Variants in EPS8 observed in about 807,000 individuals in gnomAD.
EPS8 encodes EGFR pathway substrate 8, signaling adaptor.
Under a neutral mutation model 103.8 loss-of-function variants are expected in EPS8, and 42 were observed. The observed-to-expected ratio is 0.40, with a 90% CI of 0.32 to 0.52. The LOEUF (loss-of-function observed/expected upper bound fraction) is 0.52, where lower values mean the gene tolerates loss of function less well. EPS8 is among the 20% of genes least tolerant of loss of function. The pLI, the probability that EPS8 is intolerant of heterozygous loss-of-function variation, is 0.40. For synonymous variants in EPS8, 344 were observed against 344.6 expected, an observed-to-expected ratio of 1.00 and a Z score of 0.02; for missense variants, 969 against 1,005.1, an observed-to-expected ratio of 0.96 and a Z score of 0.49.
chr12:15,684,190 A>G lies in EPS8; in HGVS notation c.-21-1218T>C, dbSNP rs1946056773. The G allele has an allele frequency of 6.6e-6, 1 of 152,202 alleles. No homozygotes were observed. The highest frequency in any genetic ancestry group is 2.1e-4 in the South Asian group (1 of 4,830). 9.4% of individuals were successfully genotyped at this position (152,202 alleles called of 1,614,324 possible). ...TAACTCTGATTGGAAGAGCACAGAA[A>G]GCCTACATAAAGAAATAATATTCAA... On this transcript the variant is annotated intron_variant, in intron 1 of 20. Transcript: ENST00000281172. This position sits in a 1 kb window ranked among gnomAD's most constrained non-coding sequence, Gnocchi z 4.9.
At chr12:15,658,290 G>A (rs1052597610) in intron 11 of EPS8, 137 bp from the exon 12 acceptor site, 15 of 678,210 alleles carry the variant, frequency 2.2e-5, no homozygotes, top group Non-Finnish European at 3.5e-5. Flanking sequence ...GATAGAGTGA[G>A]AATAGAAGTC....
chr12:15,658,322 T>C (rs545924037), intron 11 of EPS8, among the ~76,000 whole-genome samples, 169 bp from the exon 12 acceptor site: 2 of 152,300 alleles, frequency 1.3e-5, no homozygotes, highest in African/African-American at 4.8e-5. Flanking sequence ...ATCAAGTCTC[T>C]TAGATATATA....
At position 15,748,301 on chromosome 12, in the gene EPS8, A is replaced by G. The variant is rs1411000705; in HGVS notation, c.-22+40860T>C. Among the ~76,000 whole-genome samples the G allele has an allele frequency of 1.3e-5, 2 of 152,264 alleles. No homozygotes were observed. Among genetic ancestry groups the G allele is most frequent in the African/African-American group, 4.8e-5 (2 of 41,460 alleles). The stretch of plus-strand genomic sequence containing the variant: ...ACAAATATCAATTAAAATATTATGA[A>G]GTAATATTCTTAAGTCAAATGCTCA... On this transcript the variant is annotated intron_variant, in intron 1 of 20. Coordinates refer to ENST00000281172, the MANE Select transcript of EPS8 (RefSeq NM_004447.6). This position sits in a 1 kb window ranked among gnomAD's most constrained non-coding sequence, Gnocchi z 4.8.
chr12:15,705,346 C>T (rs1203213912), intron 1 of EPS8, among the ~76,000 whole-genome samples: 1 of 152,112 alleles, frequency 6.6e-6, no homozygotes, highest in African/African-American at 2.4e-5. Context: ...GTTTCATGAA[C>T]ACATGTGAAA....
rs529464032 is a variant in EPS8, at chr12:15,721,951, G to GT, written c.-21-38980dup. Among the ~76,000 whole-genome samples the GT allele has an allele frequency of 1.8e-4, 27 of 149,144 alleles. No homozygotes were observed. Among genetic ancestry groups the GT allele is most frequent in the South Asian group, 2.1e-4 (1 of 4,736 alleles). ...CTTTCACATTTTATAAATTTTTCTAGTTTTTTTTTAATGCATACATACTTT... is the reference window on the plus strand; with the variant it reads ...CTTTCACATTTTATAAATTTTTCTAGTTTTTTTTTTAATGCATACATACTTT... On this transcript the variant is annotated intron_variant, in intron 1 of 20. Coordinates refer to ENST00000281172, the MANE Select transcript of EPS8 (RefSeq NM_004447.6). This position sits in a 1 kb window ranked among gnomAD's most constrained non-coding sequence, Gnocchi z 4.4.
At chr12:15,623,924 A>G (rs1944901366) in intron 19 of EPS8, among the ~76,000 whole-genome samples, 1 of 152,334 alleles carries the variant, frequency 6.6e-6, no homozygotes, top group South Asian at 2.1e-4. Flanking sequence ...CCTAGGTTAC[A>G]TCACAGTAAT....
At chr12:15,662,995 C>T (rs1359448084) in intron 8 of EPS8, among the ~76,000 whole-genome samples, 2 of 49,346 alleles carry the variant, frequency 4.1e-5, no homozygotes, top group African/African-American at 9.6e-5. Flanking sequence ...GGAACACTTG[C>T]CAACAAAAAA....
intron 8 of EPS8, among the ~76,000 whole-genome samples, chr12:15,663,941 A>AAAAAAAAAT (rs1945656439): frequency 1.4e-5 from 1 of 73,280 alleles, no homozygotes; most frequent in Non-Finnish European, 2.5e-5. Flanking sequence ...AAAAAAAAAA[A>AAAAAAAAAT]AAAAATAATA....
At chr12:15,659,929 C>A (rs1432201669) in intron 10 of EPS8, among the ~76,000 whole-genome samples, 2 of 152,058 alleles carry the variant, frequency 1.3e-5, no homozygotes, top group Non-Finnish European at 2.9e-5. Context: ...TAAGTCAACC[C>A]TTTTATTTAA....
At chr12:15,639,662 G>A (rs1207250795) in intron 17 of EPS8, among the ~76,000 whole-genome samples, 1 of 152,040 alleles carries the variant, frequency 6.6e-6, no homozygotes, top group Non-Finnish European at 1.5e-5. Flanking sequence ...ATAAGCACAG[G>A]ACTGACACCA....
rs905618023 is a variant in EPS8 at position 15,716,191 on chromosome 12, T to C, written c.-21-33219A>G. Among the ~76,000 whole-genome samples, 2 of 152,090 alleles carry C rather than the reference T, an allele frequency of 1.3e-5. No homozygotes were observed. Among genetic ancestry groups the C allele is most frequent in the Non-Finnish European group, 2.9e-5 (2 of 68,010 alleles). On this transcript the variant is annotated intron_variant, in intron 1 of 20. Transcript: ENST00000281172. The surrounding 1 kb of genome is among the most constrained non-coding windows in gnomAD (Gnocchi z 5.0). ...TTAAGATACTGTCTCTTAAAAATGG[T>C]CCATAGGTCTGCCAAATGCCAAAAA...
At chr12:15,623,098 T>C (rs2135708389) in intron 20 of EPS8, 60 bp downstream of exon 20, 3 of 1,526,138 alleles carry the variant, frequency 2.0e-6, no homozygotes, top group South Asian at 1.3e-5. Flanking sequence ...TGGACATAAA[T>C]AGTTGTTTCC....
At chr12:15,679,835 C>T (rs761653064) in intron 3 of EPS8, among the ~76,000 whole-genome samples, 1 of 152,160 alleles carries the variant, frequency 6.6e-6, no homozygotes, top group African/African-American at 2.4e-5. Flanking sequence ...CATGGCATAG[C>T]ATACTTAATA....
At chr12:15,681,548 T>C (rs1279945194) in intron 2 of EPS8, among the ~76,000 whole-genome samples, 1 of 151,358 alleles carries the variant, frequency 6.6e-6, no homozygotes, top group Admixed American at 6.6e-5. Context: ...CTGACCAACA[T>C]GGAGAAACCC....
At chr12:15,623,406 C>G in intron 19 of EPS8, 119 bp from the exon 20 acceptor site, 1 of 852,074 alleles carries the variant, frequency 1.2e-6, no homozygotes, top group Non-Finnish European at 1.8e-6. Flanking sequence ...ACCCTGGAAC[C>G]CTTATTAAAT....
At chr12:15,682,212 T>C (rs765672190) in intron 2 of EPS8, among the ~76,000 whole-genome samples, 3 of 152,304 alleles carry the variant, frequency 2.0e-5, no homozygotes, top group South Asian at 2.1e-4. Context: ...ATTCCCAGAA[T>C]AGACGAATGA....
At position 15,762,316 on chromosome 12, in the gene EPS8, A is replaced by C. The variant is rs1947050256; in HGVS notation, c.-22+26845T>G. On this transcript the variant is annotated intron_variant, in intron 1 of 20. Coordinates refer to ENST00000281172, the MANE Select transcript of EPS8 (RefSeq NM_004447.6). The surrounding 1 kb of genome is among the most constrained non-coding windows in gnomAD (Gnocchi z 4.8). ...CCGACAAGGATGTAGAGAAAAGGGA[A>C]CCCTCATACACTGTTGGTGGCGATG... Among the ~76,000 whole-genome samples the C allele has an allele frequency of 6.6e-6, 1 of 152,206 alleles. No homozygotes were observed.
In EPS8 at chr12:15,785,689, A is replaced by G. The variant is rs921905636; in HGVS notation, c.-22+3472T>C. Among the ~76,000 whole-genome samples, 2 of 152,066 alleles carry G rather than the reference A, an allele frequency of 1.3e-5. No homozygotes were observed. Among genetic ancestry groups the G allele is most frequent in the Non-Finnish European group, 2.9e-5 (2 of 67,922 alleles). On this transcript the variant is annotated intron_variant, in intron 1 of 20. Transcript: ENST00000281172. This position sits in a 1 kb window ranked among gnomAD's most constrained non-coding sequence, Gnocchi z 4.9. The stretch of plus-strand genomic sequence containing the variant: ...ATCTTGGTTTCTAACACCATTCCCC[A>G]ACAAAATGATCCAGATTCCTTGGAG...
In EPS8 at chr12:15,747,296, G is replaced by C. The variant is rs370862111; in HGVS notation, c.-22+41865C>G. Among the ~76,000 whole-genome samples the C allele has an allele frequency of 2.0e-5, 3 of 152,150 alleles. No homozygotes were observed. Among genetic ancestry groups the C allele is most frequent in the East Asian group, 1.9e-4 (1 of 5,184 alleles). Reference sequence around the variant, plus strand: ...TTTATTTTGGTTCTTTTAAGTGCATGGTCTAATTTATTAATGGTAAGCTGA... The same window carrying C: ...TTTATTTTGGTTCTTTTAAGTGCATCGTCTAATTTATTAATGGTAAGCTGA... On this transcript the variant is annotated intron_variant, in intron 1 of 20. Coordinates refer to ENST00000281172, the MANE Select transcript of EPS8 (RefSeq NM_004447.6). The surrounding 1 kb of genome is among the most constrained non-coding windows in gnomAD (Gnocchi z 4.4).
Sources: gnomAD v4.1 joint callset for allele counts (sites outside exome capture counted in the v4.1 genomes callset) on GRCh38, gnomAD v4.1.1 for gene constraint, Gnocchi (gnomAD v3.1) non-coding constraint, MANE v1.5 for transcripts, NCBI Gene and HGNC (gene_info 2026-07-23, HGNC 2026-07-21) for gene names.